The following TMEM131 variants were observed in gnomAD, a reference collection of about 807,000 sequenced individuals.
The protein encoded by TMEM131 is transmembrane protein 131, also known as 2610524E03Rik.
Under a neutral mutation model 211.6 loss-of-function variants are expected in TMEM131, and 66 were observed. That is an observed-to-expected ratio of 0.31 (90% CI 0.26 to 0.38). The LOEUF is 0.38. TMEM131 is among the 10% of genes least tolerant of loss of function. The probability of loss-of-function intolerance (pLI) is 1.00; values close to 1 mark genes in which losing one functional copy is unlikely to be tolerated. For missense variants in TMEM131, 2,036 were observed against 2,299.3 expected (o/e 0.89, Z 2.34); for synonymous variants, 844 against 841.3 (o/e 1.00, Z -0.06).
chr2:97,988,547 G>C (rs1680127283), intron 1 of TMEM131, among the ~76,000 whole-genome samples: 1 of 152,180 alleles, frequency 6.6e-6, no homozygotes, highest in Non-Finnish European at 1.5e-5. Context: ...GTAATATCCA[G>C]AATATATAAG....
chr2:97,775,954 C>T lies in TMEM131; in HGVS notation c.4209G>A (p.Lys1403=), dbSNP rs767869396. Residue 1403 remains lysine (K), a synonymous_variant, in exon 32 of 41, where the codon AAG becomes AAA. Transcript: ENST00000186436. Reference sequence around the variant, plus strand: ...CATCTTCCTGTGGCTTTCCCTTTCCCTTCTTCTCCTTTTCCTCTTGCTTCT... The same window carrying T: ...CATCTTCCTGTGGCTTTCCCTTTCCTTTCTTCTCCTTTTCCTCTTGCTTCT... ...PPKKQEEKEK[K]GKGKPQEDEL... The T allele has an allele frequency of 3.1e-6, 5 of 1,613,852 alleles. No homozygotes were observed. The South Asian group carries it at 3.3e-5, about 11-fold the overall frequency.
Position 97,757,139 on chromosome 2 carries a change from G to C in TMEM131, c.5612C>G (p.Ser1871Trp), listed in dbSNP as rs779209395. ...AAAGTGCGAATTAGACCAAGGGTCC[G>C]AGCTTCTTCTTCCAATCGTGGGGCT... is the stretch of plus-strand genomic sequence containing the variant. Reference protein sequence around the residue: ...IWSPTIGRRSSDPWSNSHFPH... With the variant: ...IWSPTIGRRSWDPWSNSHFPH... The change falls in exon 41 of 41, where the codon TCG becomes TGG. Residue 1871 changes from serine to tryptophan, a missense_variant. By Grantham distance (177) the Ser-to-Trp change is radical (BLOSUM62 -3). Coordinates refer to ENST00000186436, the MANE Select transcript of TMEM131 (RefSeq NM_015348.2). 1.9e-6 allele frequency: 3 copies of C among 1,612,360 alleles called. No individual in the cohort carries two copies. Among genetic ancestry groups the C allele is most frequent in the Non-Finnish European group, 2.5e-6 (3 of 1,178,776 alleles).
chr2:97,931,195 A>G (rs1198186142), intron 1 of TMEM131, among the ~76,000 whole-genome samples: 3 of 151,940 alleles, frequency 2.0e-5, no homozygotes, highest in South Asian at 4.1e-4. Context: ...AAGGATTTAC[A>G]TTTCTGGCTT....
chr2:97,893,768 A>C (rs1216669925), intron 3 of TMEM131, among the ~76,000 whole-genome samples: 1 of 151,748 alleles, frequency 6.6e-6, no homozygotes, highest in Non-Finnish European at 1.5e-5. Context: ...TTCTTTGTAG[A>C]TTCTGGATAT....
At chr2:97,805,278 A>T in intron 21 of TMEM131, 73 bp from the exon 22 acceptor site, 1 of 1,559,938 alleles carries the variant, frequency 6.4e-7, no homozygotes, top group Admixed American at 1.9e-5. Context: ...TTTCTATAGT[A>T]ACAAAAGACA....
intron 1 of TMEM131, among the ~76,000 whole-genome samples, chr2:97,979,418 C>T (rs1679689341): frequency 6.6e-6 from 1 of 152,208 alleles, no homozygotes; most frequent in South Asian, 2.1e-4. Flanking sequence ...GCTGTTTCAT[C>T]TACATGGAAA....
At chr2:97,845,053 A>G (rs1683360482) in intron 5 of TMEM131, among the ~76,000 whole-genome samples, 1 of 151,918 alleles carries the variant, frequency 6.6e-6, no homozygotes, top group Non-Finnish European at 1.5e-5. Context: ...ACCACCAACA[A>G]AAGAGTAACT....
chr2:97,756,372 CA>C lies in TMEM131; in HGVS notation c.*726del, dbSNP rs1465661075. 6.6e-6 allele frequency: 1 copy of C among 152,188 alleles called. No homozygotes were observed. Among genetic ancestry groups the C allele is most frequent in the Middle Eastern group, 3.2e-3 (1 of 316 alleles). 9.4% of individuals were successfully genotyped at this position (152,188 alleles called of 1,614,324 possible). Reference sequence around the variant, plus strand: ...GCATCATTTATTTCAAAGTACAACACAAAGTTGTATTTTTAAGAAATACACA... The same window carrying C: ...GCATCATTTATTTCAAAGTACAACACAAGTTGTATTTTTAAGAAATACACA... On this transcript the variant is annotated 3_prime_UTR_variant, in exon 41 of 41. Coordinates refer to ENST00000186436, the MANE Select transcript of TMEM131 (RefSeq NM_015348.2).
At chr2:97,961,855 A>G (rs114642936) in intron 1 of TMEM131, among the ~76,000 whole-genome samples, 4,428 of 152,322 alleles carry the variant, frequency 0.029, 84 homozygotes, top group Middle Eastern at 0.065. Flanking sequence ...AACTTACGGG[A>G]AATTGTAGGT....
At chr2:97,862,636 A>G (rs1674114687) in intron 4 of TMEM131, among the ~76,000 whole-genome samples, 2 of 152,120 alleles carry the variant, frequency 1.3e-5, no homozygotes, top group South Asian at 4.1e-4. Flanking sequence ...TTGATCAAGC[A>G]GAAGAAAGAA....
chr2:97,833,671 T>A (rs1038717956), intron 10 of TMEM131, among the ~76,000 whole-genome samples: 14 of 115,714 alleles, frequency 1.2e-4, no homozygotes, highest in Admixed American at 5.7e-4. Flanking sequence ...TTTTTTTTTT[T>A]AAATGAGACA....
chr2:97,857,618 C>T (rs531935597), intron 5 of TMEM131, among the ~76,000 whole-genome samples: 2 of 152,304 alleles, frequency 1.3e-5, no homozygotes, highest in South Asian at 2.1e-4. Context: ...CCTGTCTCTG[C>T]ATACTGACAA....
At chr2:97,991,987 A>C (rs1231424536) in intron 1 of TMEM131, among the ~76,000 whole-genome samples, 1 of 152,206 alleles carries the variant, frequency 6.6e-6, no homozygotes, top group African/African-American at 2.4e-5. Context: ...ACTTTTTCCA[A>C]CTACAAAACT....
At chr2:97,811,295 G>T in intron 17 of TMEM131, 63 bp from the exon 18 acceptor site, 1 of 1,208,936 alleles carries the variant, frequency 8.3e-7, no homozygotes, top group Non-Finnish European at 1.2e-6. Context: ...TATTAAAATG[G>T]ACATGAAGGG....
At chr2:97,968,266 T>C (rs1226902159) in intron 1 of TMEM131, among the ~76,000 whole-genome samples, 1 of 152,170 alleles carries the variant, frequency 6.6e-6, no homozygotes, top group Non-Finnish European at 1.5e-5. Context: ...GAGGAGTGAC[T>C]ACCAGATAAG....
At chr2:97,826,185 T>C (rs937541625) in intron 11 of TMEM131, among the ~76,000 whole-genome samples, 1 of 152,164 alleles carries the variant, frequency 6.6e-6, no homozygotes, top group Non-Finnish European at 1.5e-5. Flanking sequence ...TATGCCATAG[T>C]TAATGATGCA....
intron 11 of TMEM131, among the ~76,000 whole-genome samples, chr2:97,820,663 C>G (rs1487002962): frequency 6.6e-6 from 1 of 152,036 alleles, no homozygotes; most frequent in Non-Finnish European, 1.5e-5. Context: ...TCAAGACCAG[C>G]CTGGACAAGA....
At chr2:97,949,581 G>A (rs1437890653) in intron 1 of TMEM131, among the ~76,000 whole-genome samples, 4 of 152,008 alleles carry the variant, frequency 2.6e-5, no homozygotes, top group South Asian at 2.1e-4. Context: ...TTGGGAGGCC[G>A]AGGCGGGTGG....
chr2:97,891,477 G>A (rs142125809), intron 3 of TMEM131, among the ~76,000 whole-genome samples: 1 of 150,082 alleles, frequency 6.7e-6, no homozygotes, highest in Non-Finnish European at 1.5e-5. Context: ...CACATGTTCT[G>A]AAGTGTCAAT....
Sources: allele counts gnomAD v4.1 joint callset (sites outside exome capture counted in the v4.1 genomes callset), GRCh38; gene constraint gnomAD v4.1.1; transcripts MANE v1.5; gene names NCBI Gene and HGNC (gene_info 2026-07-23, HGNC 2026-07-21).